EPB41L3: variants seen among roughly 807,000 people sequenced by gnomAD.
The protein encoded by EPB41L3 is band 4.1-like protein 3.
Under a neutral mutation model 127.1 loss-of-function variants are expected in EPB41L3, and 57 were observed. That is an observed-to-expected ratio of 0.45 (90% CI 0.36 to 0.56). The LOEUF (loss-of-function observed/expected upper bound fraction) is 0.56, where lower values mean the gene tolerates loss of function less well. Ranked by LOEUF, EPB41L3 falls within the 20% of genes least tolerant of loss-of-function variation. EPB41L3 has a pLI of 0.00. For synonymous variants in EPB41L3, 572 were observed against 549.5 expected (o/e 1.04, Z -0.57); for missense variants, 1,273 against 1,372.2 (o/e 0.93, Z 1.14).
At chr18:5,626,776 A>G (rs1729845000) in intron 1 of EPB41L3, among the ~76,000 whole-genome samples, 1 of 152,184 alleles carries the variant, frequency 6.6e-6, no homozygotes, top group Non-Finnish European at 1.5e-5. Context: ...TCCCTCACTT[A>G]AAATCCTACA....
intron 1 of EPB41L3, among the ~76,000 whole-genome samples, chr18:5,512,551 T>C (rs1416967806): frequency 2.0e-5 from 3 of 152,100 alleles, no homozygotes; most frequent in Non-Finnish European, 4.4e-5. Context: ...TAAAGGTAGA[T>C]TGGTGTTTCA....
intron 1 of EPB41L3, among the ~76,000 whole-genome samples, chr18:5,529,831 A>G (rs1941004): frequency 0.28 from 43,013 of 151,918 alleles, 6,954 homozygotes; most frequent in African/African-American, 0.45. Context: ...GCTGGCTGAT[A>G]CATGAAGGCT....
chr18:5,502,577 T>C (rs1036662560), intron 1 of EPB41L3, among the ~76,000 whole-genome samples: 1 of 152,194 alleles, frequency 6.6e-6, no homozygotes, highest in African/African-American at 2.4e-5. Flanking sequence ...TATTTTAAAC[T>C]CTTCTGTTCA....
In EPB41L3 at chr18:5,543,060, G is replaced by A. The variant is rs2093782530; in HGVS notation, c.-12+853C>T. ...AGAATCGCGGCCCCGAGGGCGCCAGGTGAGTCGCGCCGCCCCGAGCCCCCG... is the reference window on the plus strand; with the variant it reads ...AGAATCGCGGCCCCGAGGGCGCCAGATGAGTCGCGCCGCCCCGAGCCCCCG... On this transcript the variant is annotated intron_variant, in intron 1 of 22. Transcript: ENST00000341928. This position sits in a 1 kb window ranked among gnomAD's most constrained non-coding sequence, Gnocchi z 5.2. Among the ~76,000 whole-genome samples, 1 of 151,908 alleles carries A rather than the reference G, an allele frequency of 6.6e-6. No homozygotes were observed. The highest frequency in any genetic ancestry group is 2.4e-5 in the African/African-American group (1 of 41,412).
chr18:5,487,493 A>C (rs975932480), intron 2 of EPB41L3, among the ~76,000 whole-genome samples: 1 of 151,130 alleles, frequency 6.6e-6, no homozygotes, highest in Non-Finnish European at 1.5e-5. Context: ...ATTTTACCTC[A>C]AATTTTTTTT....
chr18:5,485,452 A>C (rs2089576253), intron 2 of EPB41L3, among the ~76,000 whole-genome samples: 1 of 152,060 alleles, frequency 6.6e-6, no homozygotes, highest in South Asian at 2.1e-4. Context: ...AAGGATGCCC[A>C]CTTTCAGTAT....
At chr18:5,506,455 C>T (rs1478287281) in intron 1 of EPB41L3, among the ~76,000 whole-genome samples, 1 of 152,136 alleles carries the variant, frequency 6.6e-6, no homozygotes, top group African/African-American at 2.4e-5. Flanking sequence ...GCTTATTCAC[C>T]CACTGTGTTC....
chr18:5,417,851 T>C (rs1481747162), intron 12 of EPB41L3, among the ~76,000 whole-genome samples: 7 of 152,148 alleles, frequency 4.6e-5, no homozygotes. Flanking sequence ...AAGAATAATG[T>C]AGCTGCTACA....
intron 3 of EPB41L3, chr18:5,610,070 C>T (rs996428275): frequency 4.1e-6 from 4 of 982,926 alleles, no homozygotes; most frequent in Admixed American, 6.2e-5. Context: ...TCCCATCAAA[C>T]GATTCATCTG....
intron 13 of EPB41L3, among the ~76,000 whole-genome samples, chr18:5,414,351 A>C (rs2076540112): frequency 6.6e-6 from 1 of 152,232 alleles, no homozygotes; most frequent in Non-Finnish European, 1.5e-5. Context: ...AGAACCTTGA[A>C]AATGTCTCTT....
chr18:5,490,344 A>G (rs1475090003), intron 1 of EPB41L3, among the ~76,000 whole-genome samples: 2 of 152,236 alleles, frequency 1.3e-5, no homozygotes, highest in African/African-American at 4.8e-5. Flanking sequence ...GGCAAATTAT[A>G]TAATTGGTAT....
At chr18:5,447,995 G>A (rs903978660) in intron 3 of EPB41L3, among the ~76,000 whole-genome samples, 16 of 152,106 alleles carry the variant, frequency 1.1e-4, no homozygotes, top group African/African-American at 3.9e-4. Flanking sequence ...GTTATATCAT[G>A]GGATGGAAGC....
intron 3 of EPB41L3, among the ~76,000 whole-genome samples, chr18:5,473,979 C>T (rs1276388010): frequency 1.3e-5 from 2 of 152,078 alleles, no homozygotes; most frequent in Non-Finnish European, 2.9e-5. Flanking sequence ...CACCTGTAAT[C>T]CCAGCACTTT....
Position 5,395,705 on chromosome 18 carries a change from G to A in EPB41L3, c.2976C>T (p.Val992=), listed in dbSNP as rs116148637. The A allele has an allele frequency of 2.8e-4, 449 of 1,613,900 alleles. 1 individual carries two copies. In the African/African-American group the frequency reaches 5.4e-3, roughly 19 times the overall value. ...CTGGCTCCAGATCTGTGCCTGGATC[G>A]ACCTAAAGCAGCAGAGGCATAGACC... is the stretch of plus-strand genomic sequence containing the variant. ...TKTITYESSQ[V]DPGTDLEPGV... is the part of the protein sequence containing the mutation. Residue 992 remains valine, a splice_region_variant and synonymous_variant, in exon 20 of 23, where the codon GTC becomes GTT. Coordinates refer to ENST00000341928, the MANE Select transcript of EPB41L3 (RefSeq NM_012307.5).
At chr18:5,506,784 A>G (rs2092236846) in intron 1 of EPB41L3, among the ~76,000 whole-genome samples, 1 of 152,138 alleles carries the variant, frequency 6.6e-6, no homozygotes, top group African/African-American at 2.4e-5. Flanking sequence ...TTAAATCCTA[A>G]GTGTCAGGCA....
chr18:5,515,606 G>A lies in EPB41L3; in HGVS notation c.-11-26412C>T, dbSNP rs182438430. 5.9e-4 allele frequency among the ~76,000 whole-genome samples: 90 copies of A among 152,152 alleles called. No homozygotes were observed. In the Middle Eastern group the frequency reaches 0.014, roughly 23 times the overall value. On this transcript the variant is annotated intron_variant, in intron 1 of 22. Transcript: ENST00000341928. ...CACCAGGATTAACTGAAATAGCACAGCAAAAAGGAAGTAAGAAAGAACAGG... is the reference window on the plus strand; with the variant it reads ...CACCAGGATTAACTGAAATAGCACAACAAAAAGGAAGTAAGAAAGAACAGG...
At chr18:5,474,663 A>G (rs940195372) in intron 3 of EPB41L3, among the ~76,000 whole-genome samples, 50 of 152,226 alleles carry the variant, frequency 3.3e-4, no homozygotes, top group South Asian at 1.0e-3. Context: ...TGCAAAAAAA[A>G]AAGTTTCATC....
At position 5,449,866 on chromosome 18, in the gene EPB41L3, A is replaced by G. The variant is rs78283593; in HGVS notation, c.382-4622T>C. Among the ~76,000 whole-genome samples, 319 of 152,370 alleles carry G rather than the reference A, an allele frequency of 2.1e-3. 3 individuals are homozygous for G. The highest frequency in any genetic ancestry group is 3.6e-3 in the Non-Finnish European group (244 of 68,036). ...TTCTTCCTATACATATATACTTATG[A>G]TAAAGTTTAATTTATAAAATAGGCA... On this transcript the variant is annotated intron_variant, in intron 3 of 22. Coordinates refer to ENST00000341928, the MANE Select transcript of EPB41L3 (RefSeq NM_012307.5).
chr18:5,489,951 T>C (rs1287221872), intron 1 of EPB41L3, among the ~76,000 whole-genome samples: 1 of 152,224 alleles, frequency 6.6e-6, no homozygotes, highest in East Asian at 1.9e-4. Context: ...TGCTGATACA[T>C]CCTTTAAAAA....
Sources: allele counts gnomAD v4.1 joint callset (sites outside exome capture counted in the v4.1 genomes callset), GRCh38; gene constraint gnomAD v4.1.1; non-coding constraint Gnocchi (gnomAD v3.1); transcripts MANE v1.5; gene names NCBI Gene and HGNC (gene_info 2026-07-23, HGNC 2026-07-21).